The following SIAH1 variants were observed in gnomAD, a reference collection of about 807,000 sequenced individuals.
The protein encoded by SIAH1 is siah E3 ubiquitin protein ligase 1, also known as E3 ubiquitin-protein ligase SIAH1.
A neutral mutation model predicts 20.0 loss-of-function variants in SIAH1; 2 were observed. That is an observed-to-expected ratio of 0.10 (90% CI 0.04 to 0.31). The LOEUF is 0.31. Ranked by LOEUF, SIAH1 falls within the 10% of genes least tolerant of loss-of-function variation. SIAH1 has a pLI of 1.00. For missense variants in SIAH1, 119 were observed against 355.3 expected, an observed-to-expected ratio of 0.33 and a Z score of 5.35; for synonymous variants, 118 against 125.3, an observed-to-expected ratio of 0.94 and a Z score of 0.39.
intron 1 of SIAH1, among the ~76,000 whole-genome samples, chr16:48,382,439 A>G (rs1961323349): frequency 6.6e-6 from 1 of 152,200 alleles, no homozygotes; most frequent in African/African-American, 2.4e-5. Flanking sequence ...GCACAGTAGT[A>G]GGTGAGTAAA....
intron 1 of SIAH1, chr16:48,365,212 G>A (rs1451919153): frequency 7.7e-6 from 5 of 652,212 alleles, no homozygotes; most frequent in Admixed American, 2.9e-5. Context: ...AAGTCATGAC[G>A]TAACCTGAAG....
chr16:48,373,052 C>T (rs951627637), intron 1 of SIAH1, among the ~76,000 whole-genome samples: 1 of 152,138 alleles, frequency 6.6e-6, no homozygotes, highest in South Asian at 2.1e-4. Context: ...GCTCTTCTCC[C>T]CCAAATTATT....
In SIAH1 at chr16:48,361,339, G is replaced by GATGCC; in HGVS notation, c.*236_*240dup. 1 of 417,442 alleles carries GATGCC rather than the reference G, an allele frequency of 2.4e-6. No individual in the cohort carries two copies. Among genetic ancestry groups the GATGCC allele is most frequent in the Non-Finnish European group, 4.3e-6 (1 of 230,982 alleles). 25.9% of individuals were successfully genotyped at this position (417,442 alleles called of 1,614,324 possible). ...CAATGCTTCCTTTCTTAATACAAAA[G>GATGCC]ATGCCCATCTTGGGTGTATATACAT... On this transcript the variant is annotated 3_prime_UTR_variant, in exon 2 of 2. Coordinates refer to ENST00000394725, the MANE Select transcript of SIAH1 (RefSeq NM_003031.4).
intron 1 of SIAH1, among the ~76,000 whole-genome samples, chr16:48,372,123 TAAAG>T (rs1222556502): frequency 6.6e-6 from 1 of 152,052 alleles, no homozygotes; most frequent in African/African-American, 2.4e-5. Flanking sequence ...CTAAAGAAAT[TAAAG>T]AAACAGGGTA....
chr16:48,367,744 A>T (rs1005090507), intron 1 of SIAH1, among the ~76,000 whole-genome samples: 4 of 152,232 alleles, frequency 2.6e-5, no homozygotes, highest in African/African-American at 9.6e-5. Context: ...TTTAATTTTT[A>T]GCACAATAAA....
chr16:48,364,982 C>T (rs2151046787), intron 1 of SIAH1: 1 of 170,582 alleles, frequency 5.9e-6, no homozygotes, highest in South Asian at 1.5e-4. Flanking sequence ...TATATCTTTG[C>T]CATTTTCCAA....
Position 48,385,298 on chromosome 16 carries a change from C to A in SIAH1, c.-97G>T. ...CGCGGGCAGCGCCACCGCCTCTTCC[C>A]GGCGCCGAGACCGACGGGACACCCT... On this transcript the variant is annotated 5_prime_UTR_variant, in exon 1 of 2. Transcript: ENST00000394725. 7.2e-6 allele frequency: 2 copies of A among 278,462 alleles called. No homozygotes were observed. Among genetic ancestry groups the A allele is most frequent in the Non-Finnish European group, 7.8e-6 (1 of 128,784 alleles). 17.2% of individuals were successfully genotyped at this position (278,462 alleles called of 1,614,324 possible). A position where few individuals can be genotyped will look rare whatever the true frequency, so the allele number is the denominator to read the frequency against.
At chr16:48,367,709 C>T (rs1185166036) in intron 1 of SIAH1, among the ~76,000 whole-genome samples, 1 of 152,202 alleles carries the variant, frequency 6.6e-6, no homozygotes, top group Non-Finnish European at 1.5e-5. Context: ...GGTGATCAAA[C>T]ATGTCTGCCA....
At chr16:48,386,770 T>C (rs925178319), upstream of SIAH1, among the ~76,000 whole-genome samples, 5 of 152,210 alleles carry the variant, frequency 3.3e-5, no homozygotes, top group African/African-American at 1.2e-4. Context: ...CATGTGGCCT[T>C]GACCTGGTCG....
At chr16:48,381,977 CTT>C (rs1358750908) in intron 1 of SIAH1, among the ~76,000 whole-genome samples, 3 of 152,068 alleles carry the variant, frequency 2.0e-5, no homozygotes, top group African/African-American at 4.8e-5. Context: ...CGCGAAATCT[CTT>C]GTCTCTTCTA....
chr16:48,368,550 T>C (rs1023896501), intron 1 of SIAH1, among the ~76,000 whole-genome samples: 2 of 152,068 alleles, frequency 1.3e-5, no homozygotes, highest in African/African-American at 4.8e-5. Flanking sequence ...ATACAAAAAT[T>C]AGCCGGGCAT....
At chr16:48,366,302 T>C (rs1413839254) in intron 1 of SIAH1, among the ~76,000 whole-genome samples, 1 of 152,240 alleles carries the variant, frequency 6.6e-6, no homozygotes, top group African/African-American at 2.4e-5. Flanking sequence ...GTGCGAACTC[T>C]AAATTTTTAG....
intron 1 of SIAH1, among the ~76,000 whole-genome samples, chr16:48,376,288 A>G (rs1389305180): frequency 6.6e-6 from 1 of 152,192 alleles, no homozygotes; most frequent in Non-Finnish European, 1.5e-5. Flanking sequence ...ACATTTTATC[A>G]TATCTCCACA....
chr16:48,371,393 T>C lies in SIAH1; in HGVS notation c.-2-8963A>G, dbSNP rs74017940. ...CTTACCCTGGTATGGAATATTTAAT[T>C]TGGCATTCAAAACATCTTTTCCATA... On this transcript the variant is annotated intron_variant, in intron 1 of 1. Coordinates refer to ENST00000394725, the MANE Select transcript of SIAH1 (RefSeq NM_003031.4). Among the ~76,000 whole-genome samples the C allele has an allele frequency of 4.7e-3, 723 of 152,348 alleles. 3 individuals are homozygous for C. Among genetic ancestry groups the C allele is most frequent in the African/African-American group, 0.017 (692 of 41,580 alleles).
chr16:48,383,990 C>T (rs1002117997), intron 1 of SIAH1, among the ~76,000 whole-genome samples: 2 of 152,182 alleles, frequency 1.3e-5, no homozygotes, highest in Non-Finnish European at 2.9e-5. Flanking sequence ...CTCAACAGGG[C>T]TTGAGGTAGA....
upstream of SIAH1, among the ~76,000 whole-genome samples, chr16:48,385,796 G>C (rs1961449744): frequency 6.6e-6 from 1 of 151,280 alleles, no homozygotes; most frequent in Non-Finnish European, 1.5e-5. Context: ...CGAGCCCCAG[G>C]CTGGCCGCCG....
intron 1 of SIAH1, chr16:48,365,537 G>C: frequency 6.4e-7 from 1 of 1,574,170 alleles, no homozygotes; most frequent in East Asian, 2.3e-5. Context: ...CCCCTCCTGG[G>C]CTCTTTCTGC....
chr16:48,374,723 C>A (rs559807797), intron 1 of SIAH1, among the ~76,000 whole-genome samples: 2 of 151,566 alleles, frequency 1.3e-5, no homozygotes, highest in South Asian at 2.1e-4. Flanking sequence ...AAAACAAAGC[C>A]AAAATAGGAA....
intron 1 of SIAH1, among the ~76,000 whole-genome samples, chr16:48,375,359 C>A (rs922270851): frequency 6.6e-6 from 1 of 152,158 alleles, no homozygotes; most frequent in African/African-American, 2.4e-5. Context: ...GGGAGAGAGG[C>A]GAGGAGCAGT....
Sources: gnomAD v4.1 joint callset for allele counts (sites outside exome capture counted in the v4.1 genomes callset) on GRCh38, gnomAD v4.1.1 for gene constraint, MANE v1.5 for transcripts, NCBI Gene and HGNC (gene_info 2026-07-23, HGNC 2026-07-21) for gene names.